Variants in ABCA9 observed in about 807,000 individuals in gnomAD.
ABCA9 encodes the protein ATP binding cassette subfamily A member 9, also known as ATP-binding cassette sub-family A member 9.
ABCA9 carries 183 observed loss-of-function variants against 205.3 expected under a neutral mutation model. The ratio of observed to expected loss-of-function variants is 0.89; its 90% CI spans 0.79 to 1.01. ABCA9 has a LOEUF of 1.01. Among genes scored for constraint, ABCA9 ranks in the 50% least tolerant of loss-of-function variants. The pLI is 0.00. For missense variants in ABCA9, 1,805 were observed against 1,912.4 expected, an observed-to-expected ratio of 0.94 and a Z score of 1.05; for synonymous variants, 651 against 683.3, an observed-to-expected ratio of 0.95 and a Z score of 0.74.
chr17:68,990,721 C>T, intron 29 of ABCA9, 116 bp downstream of exon 29: 1 of 1,257,318 alleles, frequency 8.0e-7, no homozygotes, highest in Non-Finnish European at 1.1e-6. Context: ...AAGTAATAAG[C>T]TGTATGTGTA....
rs188977400 is a variant in ABCA9, at chr17:68,978,737, G to A, written c.4721-2547C>T. 4.1e-3 allele frequency among the ~76,000 whole-genome samples: 620 copies of A among 152,204 alleles called. 2 individuals are homozygous for A. The highest frequency in any genetic ancestry group is 0.014 in the African/African-American group (583 of 41,516). ...CTCCTTCACTTATGAAGCTTAGTTT[G>A]GCTGAATATGAAATTCTCTCAATAA... On this transcript the variant is annotated intron_variant, in intron 37 of 38. Coordinates refer to ENST00000340001, the MANE Select transcript of ABCA9 (RefSeq NM_080283.4).
intron 8 of ABCA9, 113 bp from the exon 9 acceptor site, chr17:69,033,986 T>G: frequency 1.2e-6 from 1 of 852,952 alleles, no homozygotes; most frequent in Non-Finnish European, 1.8e-6. Context: ...TATAATCTTG[T>G]CTCTACAGAG....
At chr17:69,032,022 G>C in intron 10 of ABCA9, 86 bp downstream of exon 10, 1 of 1,342,972 alleles carries the variant, frequency 7.4e-7, no homozygotes. Context: ...GGCACAGAAG[G>C]CGATCTTTGC....
Position 69,016,313 on chromosome 17 carries a change from T to C in ABCA9, c.2979A>G (p.Gly993=), listed in dbSNP as rs2144255646. 6.2e-7 allele frequency: 1 copy of C among 1,603,230 alleles called. No homozygotes were observed. Among genetic ancestry groups the C allele is most frequent in the East Asian group, 2.3e-5 (1 of 43,932 alleles). Reference sequence around the variant, plus strand: ...CTGACGAATTAAAAATTCCAAGTAGTCCATTGCTAATGACATCCAGGAGGA... The same window carrying C: ...CTGACGAATTAAAAATTCCAAGTAGCCCATTGCTAATGACATCCAGGAGGA... ...FPVLLDVISN[G]LLGIFNSSEH... The change falls in exon 22 of 39, where the codon GGA becomes GGG. Residue 993 remains glycine (G), a synonymous_variant. Transcript: ENST00000340001.
At chr17:69,035,062 A>C (rs2071287047) in intron 8 of ABCA9, 184 bp downstream of exon 8, 1 of 435,038 alleles carries the variant, frequency 2.3e-6, no homozygotes, top group Non-Finnish European at 4.0e-6. Context: ...ATGATCCTAT[A>C]TTTAGTGACT....
intron 37 of ABCA9, among the ~76,000 whole-genome samples, chr17:68,977,531 T>G (rs1368313439): frequency 3.3e-5 from 5 of 152,232 alleles, no homozygotes; most frequent in African/African-American, 1.2e-4. Flanking sequence ...CCATTTCACC[T>G]TCTAAGCTAT....
Position 68,992,935 on chromosome 17 carries a change from T to G in ABCA9, c.3624+81A>C, listed in dbSNP as rs539580730. ...CCTAAAATGTCCAAACCTTCTTAATTTGATGCAATTCAGAGAAACTCAAAA... is the reference window on the plus strand; with the variant it reads ...CCTAAAATGTCCAAACCTTCTTAATGTGATGCAATTCAGAGAAACTCAAAA... On this transcript the variant is annotated intron_variant, in intron 27 of 38. Coordinates refer to ENST00000340001, the MANE Select transcript of ABCA9 (RefSeq NM_080283.4). 3 of 1,166,522 alleles carry G rather than the reference T, an allele frequency of 2.6e-6. No individual in the cohort carries two copies. In the South Asian group the frequency reaches 4.0e-5, roughly 15 times the overall value. 72.3% of individuals were successfully genotyped at this position (1,166,522 alleles called of 1,614,324 possible). A position where few individuals can be genotyped will look rare whatever the true frequency, so the allele number is the denominator to read the frequency against.
intron 26 of ABCA9, among the ~76,000 whole-genome samples, chr17:68,995,009 C>CTAAGT (rs1229126231): frequency 4.6e-5 from 7 of 152,194 alleles, no homozygotes; most frequent in Non-Finnish European, 8.8e-5. Context: ...ACATCCTCCC[C>CTAAGT]TCACATTTTC....
At chr17:69,071,563 C>T in the ABCA9 span, among the ~76,000 whole-genome samples, 50 of 152,102 alleles carry the variant, frequency 3.3e-4, no homozygotes, top group Non-Finnish European at 5.9e-4. Context: ...ACAAAAAGGA[C>T]GACCACGCAA....
chr17:69,003,524 G>A (rs1182646901), intron 25 of ABCA9, among the ~76,000 whole-genome samples: 56 of 135,770 alleles, frequency 4.1e-4, no homozygotes, highest in African/African-American at 1.6e-3. Flanking sequence ...AGGGTAACCC[G>A]ACCTTTCTCT....
At chr17:68,998,411 G>A (rs1229570430) in intron 25 of ABCA9, among the ~76,000 whole-genome samples, 1 of 152,150 alleles carries the variant, frequency 6.6e-6, no homozygotes, top group Non-Finnish European at 1.5e-5. Flanking sequence ...TGTGTGAAAA[G>A]TGACACATGG....
At chr17:68,986,402 G>C in intron 31 of ABCA9, 78 bp from the exon 32 acceptor site, 1 of 1,375,266 alleles carries the variant, frequency 7.3e-7, no homozygotes, top group Non-Finnish European at 9.8e-7. Flanking sequence ...GTACTTCAGA[G>C]ATGCCCTTCT....
intron 37 of ABCA9, among the ~76,000 whole-genome samples, chr17:68,979,710 C>T (rs1705794573): frequency 6.6e-6 from 1 of 152,090 alleles, no homozygotes; most frequent in Non-Finnish European, 1.5e-5. Flanking sequence ...ATAAATGGTG[C>T]TGGGAAAACT....
At chr17:68,986,131 C>T in intron 32 of ABCA9, 33 bp downstream of exon 32, 1 of 1,567,868 alleles carries the variant, frequency 6.4e-7, no homozygotes, top group Non-Finnish European at 8.7e-7. Context: ...ACATCCCCTC[C>T]AGCAAAGGGG....
At chr17:69,008,533 CT>C (rs1371666088) in intron 23 of ABCA9, among the ~76,000 whole-genome samples, 1 of 152,204 alleles carries the variant, frequency 6.6e-6, no homozygotes, top group Non-Finnish European at 1.5e-5. Flanking sequence ...CAAGACTATT[CT>C]TTCCTTCGAC....
chr17:69,069,364 C>G, the ABCA9 span, among the ~76,000 whole-genome samples: 1 of 152,174 alleles, frequency 6.6e-6, no homozygotes, highest in South Asian at 2.1e-4. Context: ...GGGAGACATT[C>G]CTGGGGTCAG....
rs148884716 is a variant in ABCA9, at chr17:69,003,826, C to G, written c.3435+3933G>C. On this transcript the variant is annotated intron_variant, in intron 25 of 38. Transcript: ENST00000340001. ...GAGGTTTTGCTGATTTCTTTTTATTCTTTTTTCTCTAAACTTCCCTTCTCG... is the reference window on the plus strand; with the variant it reads ...GAGGTTTTGCTGATTTCTTTTTATTGTTTTTTCTCTAAACTTCCCTTCTCG... Among the ~76,000 whole-genome samples the G allele has an allele frequency of 3.5e-3, 528 of 152,092 alleles. 2 individuals are homozygous for G. Among genetic ancestry groups the G allele is most frequent in the African/African-American group, 0.011 (466 of 41,488 alleles).
chr17:69,052,253 A>G (rs1402260642), intron 1 of ABCA9, among the ~76,000 whole-genome samples: 2 of 152,078 alleles, frequency 1.3e-5, no homozygotes, highest in African/African-American at 2.4e-5. Context: ...TTGTAGTCCC[A>G]GCTACCAGCT....
Position 69,035,392 on chromosome 17 carries a change from G to C in ABCA9, c.982C>G (p.Pro328Ala), listed in dbSNP as rs553431589. The change falls in exon 8 of 39, where the codon CCT (proline) becomes GCT (alanine). Residue 328 changes from proline (P) to alanine (A), a missense_variant. Transcript: ENST00000340001. ...AACACAACCAAGCCCGTAAGGAAAG[G>C]TTTCTTTATCAACACACTCATCAGG... Reference protein sequence around the residue: ...AFLMSVLIKKPFLTGLVVFLL... With the variant: ...AFLMSVLIKKAFLTGLVVFLL... 42 of 1,603,576 alleles carry C rather than the reference G, an allele frequency of 2.6e-5. 1 individual carries two copies. The South Asian group carries it at 4.5e-4, about 17-fold the overall frequency.
Sources: allele counts gnomAD v4.1 joint callset (sites outside exome capture counted in the v4.1 genomes callset), GRCh38; gene constraint gnomAD v4.1.1; transcripts MANE v1.5; gene names NCBI Gene and HGNC (gene_info 2026-07-23, HGNC 2026-07-21).